Variants in PARP14 observed in about 807,000 individuals in gnomAD.
PARP14 encodes the protein protein mono-ADP-ribosyltransferase PARP14.
A neutral mutation model predicts 154.2 loss-of-function variants in PARP14; 59 were observed. That is an observed-to-expected ratio of 0.38 (90% confidence interval 0.31 to 0.48). The LOEUF is 0.48. PARP14 is among the 20% of genes least tolerant of loss of function. The probability of loss-of-function intolerance (pLI) is 0.98; values close to 1 mark genes in which losing one functional copy is unlikely to be tolerated. For missense variants in PARP14, 1,734 were observed against 2,131.6 expected, an observed-to-expected ratio of 0.81 and a Z score of 3.67; for synonymous variants, 720 against 780.5, an observed-to-expected ratio of 0.92 and a Z score of 1.29.
chr3:122,724,193 A>C (rs1933226939), intron 15 of PARP14, among the ~76,000 whole-genome samples: 1 of 152,148 alleles, frequency 6.6e-6, no homozygotes, highest in African/African-American at 2.4e-5. Flanking sequence ...AATGGTAGTG[A>C]GAAACCAAAA....
intron 2 of PARP14, 134 bp downstream of exon 2, chr3:122,685,452 T>A: frequency 1.3e-6 from 1 of 798,536 alleles, no homozygotes; most frequent in Non-Finnish European, 2.0e-6. Flanking sequence ...ATTACAAATG[T>A]AGGGGGAGTG....
intron 15 of PARP14, among the ~76,000 whole-genome samples, chr3:122,724,252 G>A (rs1006000648): frequency 1.3e-5 from 2 of 151,902 alleles, no homozygotes; most frequent in African/African-American, 4.8e-5. Flanking sequence ...CTGTTTCCAG[G>A]GTCTTTTGTG....
chr3:122,723,307 G>T (rs1933205546), intron 15 of PARP14, among the ~76,000 whole-genome samples: 3 of 152,104 alleles, frequency 2.0e-5, no homozygotes. Context: ...CCCAACCCCA[G>T]TCTGAGTTCA....
chr3:122,727,796 C>T lies in PARP14; in HGVS notation c.4942-16C>T. 6 of 1,560,360 alleles carry T rather than the reference C, an allele frequency of 3.8e-6. No homozygotes were observed. Among genetic ancestry groups the T allele is most frequent in the Non-Finnish European group, 5.2e-6 (6 of 1,143,514 alleles). ...CTCTTGGAACTGGCAGAATATTATC[C>T]TTTATTAATTTGCAGATTGAGAGGA... On this transcript the variant is annotated splice_polypyrimidine_tract_variant and intron_variant, in intron 15 of 16. Coordinates refer to ENST00000474629, the MANE Select transcript of PARP14 (RefSeq NM_017554.3).
Position 122,699,911 on chromosome 3 carries a change from A to C in PARP14, c.1357A>C (p.Ile453Leu), listed in dbSNP as rs1325684641. Residue 453 changes from isoleucine (I) to leucine (L), a missense_variant, in exon 6 of 17, where the codon ATA (isoleucine) becomes CTA (leucine). Around this residue, in one of 2 missense-constraint regions of PARP14, gnomAD observed 1,646 missense variants for 1,976.0 expected, o/e 0.83. Coordinates refer to ENST00000474629, the MANE Select transcript of PARP14 (RefSeq NM_017554.3). Reference sequence around the variant, plus strand: ...CATTGAGGTACAAGTCAGGGAGTTAATAGAAAGCACTACTCAAAAAATTAA... The same window carrying C: ...CATTGAGGTACAAGTCAGGGAGTTACTAGAAAGCACTACTCAAAAAATTAA... ...QSIEVQVRELIESTTQKIKRE... is the reference protein window; with the variant it reads ...QSIEVQVRELLESTTQKIKRE... 1 of 1,614,024 alleles carries C rather than the reference A, an allele frequency of 6.2e-7. No homozygotes were observed.
intron 4 of PARP14, 48 bp downstream of exon 4, chr3:122,692,591 A>G (rs1304847685): frequency 1.3e-6 from 2 of 1,536,998 alleles, no homozygotes; most frequent in African/African-American, 1.4e-5. Context: ...GTACCACATC[A>G]TGAGACTTGA....
intron 5 of PARP14, among the ~76,000 whole-genome samples, chr3:122,697,267 T>G (rs1367992867): frequency 6.6e-6 from 1 of 152,238 alleles, no homozygotes; most frequent in Non-Finnish European, 1.5e-5. Context: ...CTTCTCCTTC[T>G]TTTAATTTTA....
At chr3:122,725,122 C>T (rs1211905949) in intron 15 of PARP14, among the ~76,000 whole-genome samples, 5 of 152,228 alleles carry the variant, frequency 3.3e-5, no homozygotes, top group Non-Finnish European at 7.3e-5. Context: ...GACAAAACTG[C>T]CATCGTCATC....
Position 122,718,978 on chromosome 3 carries a change from T to A in PARP14, c.4807+20T>A. ...CCAAAGGTGAGTTAAACATTCATAC[T>A]TGTCATCCACTATTTCACATCTACT... On this transcript the variant is annotated intron_variant, in intron 14 of 16. Coordinates refer to ENST00000474629, the MANE Select transcript of PARP14 (RefSeq NM_017554.3). 5.2e-6 allele frequency: 8 copies of A among 1,532,016 alleles called. No individual in the cohort carries two copies. Among genetic ancestry groups the A allele is most frequent in the Non-Finnish European group, 5.3e-6 (6 of 1,140,922 alleles). The allele number at this position is 1,532,016 out of a possible 1,614,324, so 94.9% of individuals were successfully genotyped here.
Position 122,701,355 on chromosome 3 carries a change from T to G in PARP14, c.2801T>G (p.Val934Gly). The G allele has an allele frequency of 6.2e-7, 1 of 1,614,072 alleles. No homozygotes were observed. Among genetic ancestry groups the G allele is most frequent in the Non-Finnish European group, 8.5e-7 (1 of 1,179,892 alleles). The change falls in exon 6 of 17, where the codon GTG becomes GGG. Residue 934 changes from valine to glycine, a missense_variant. Transcript: ENST00000474629. This position sits in a 1 kb window ranked among gnomAD's most constrained non-coding sequence, Gnocchi z 4.0. The part of the protein sequence containing the change: ...GVFGFPLGRC[V>G]ETIVSAIKEN... Reference sequence around the variant, plus strand: ...TTTGGCTTTCCCTTAGGCCGATGCGTGGAGACCATTGTTTCTGCCATCAAG... The same window carrying G: ...TTTGGCTTTCCCTTAGGCCGATGCGGGGAGACCATTGTTTCTGCCATCAAG...
intron 3 of PARP14, among the ~76,000 whole-genome samples, chr3:122,688,512 G>A (rs867551959): frequency 1.6e-4 from 25 of 152,300 alleles, no homozygotes; most frequent in Middle Eastern, 3.4e-3. Flanking sequence ...TCTAAGGATA[G>A]TAGCCAGCTA....
chr3:122,703,998 T>A lies in PARP14; in HGVS notation c.3318+20T>A. On this transcript the variant is annotated intron_variant, in intron 7 of 16. Coordinates refer to ENST00000474629, the MANE Select transcript of PARP14 (RefSeq NM_017554.3). Reference sequence around the variant, plus strand: ...CTCAAGGTTGGGCCTGGTTTTGAATTCTCCATGAAGTTGGGTAGCCCTTTG... The same window carrying A: ...CTCAAGGTTGGGCCTGGTTTTGAATACTCCATGAAGTTGGGTAGCCCTTTG... 1 of 1,570,650 alleles carries A rather than the reference T, an allele frequency of 6.4e-7. No homozygotes were observed. Among genetic ancestry groups the A allele is most frequent in the East Asian group, 2.2e-5 (1 of 44,666 alleles).
chr3:122,715,647 T>TATCTATCG (rs1411917485), intron 12 of PARP14, among the ~76,000 whole-genome samples: 2 of 147,078 alleles, frequency 1.4e-5, no homozygotes, highest in African/African-American at 5.1e-5. Flanking sequence ...TCTATCTATC[T>TATCTATCG]ATCTATCGAT....
chr3:122,699,723 C>T lies in PARP14; in HGVS notation c.1169C>T (p.Thr390Ile). Residue 390 changes from threonine to isoleucine, a missense_variant, in exon 6 of 17, where the codon ACA (threonine) becomes ATA (isoleucine). By Grantham distance (89) the Thr-to-Ile change is moderately conservative (BLOSUM62 -1). Coordinates refer to ENST00000474629, the MANE Select transcript of PARP14 (RefSeq NM_017554.3). ...IKTWQADTSTTLSSIRSKYKV... is the reference protein window; with the variant it reads ...IKTWQADTSTILSSIRSKYKV... Reference sequence around the variant, plus strand: ...ACCTGGCAGGCAGATACTTCCACAACACTCTCTAGCATCAGGTCTAAATAT... The same window carrying T: ...ACCTGGCAGGCAGATACTTCCACAATACTCTCTAGCATCAGGTCTAAATAT... 1 of 1,613,940 alleles carries T rather than the reference C, an allele frequency of 6.2e-7. No homozygotes were observed.
chr3:122,686,851 G>A (rs953968889), intron 2 of PARP14: 1 of 495,382 alleles, frequency 2.0e-6, no homozygotes, highest in South Asian at 3.1e-5. Flanking sequence ...AATGCTTGGT[G>A]TTAATTGAGG....
Position 122,700,463 on chromosome 3 carries a change from T to C in PARP14, c.1909T>C (p.Leu637=), listed in dbSNP as rs1259153419. 3 of 1,613,110 alleles carry C rather than the reference T, an allele frequency of 1.9e-6. No individual in the cohort carries two copies. Among genetic ancestry groups the C allele is most frequent in the Non-Finnish European group, 2.5e-6 (3 of 1,179,406 alleles). Residue 637 remains leucine (L), a synonymous_variant, in exon 6 of 17, where the codon TTA becomes CTA. Transcript: ENST00000474629. ...CCCAAACACTGTAATCATCAATGAG[T>C]TAACTTCAGAAACCACAGCTGAAGT... ...SSPNTVIINE[L]TSETTAEVII... is the part of the protein sequence containing the mutation.
At position 122,720,363 on chromosome 3, in the gene PARP14, C is replaced by T. The variant is rs1227292113; in HGVS notation, c.4916C>T (p.Thr1639Ile). The change falls in exon 15 of 17, where the codon ACC becomes ATC. Residue 1639 changes from threonine (T) to isoleucine (I), a missense_variant. By Grantham distance (89) the Thr-to-Ile change is moderately conservative. This residue lies in a region of PARP14 where 1,646 missense variants were observed against 1,976.0 expected (regional missense o/e 0.83). Coordinates refer to ENST00000474629, the MANE Select transcript of PARP14 (RefSeq NM_017554.3). ...ACGGTGGCAAGCAAGTTTAATCAGA[C>T]CTGCTCACACTTCAGAATAGAGAAG... is the stretch of plus-strand genomic sequence containing the variant. ...YNTVASKFNQ[T>I]CSHFRIEKIE... 6.2e-7 allele frequency: 1 copy of T among 1,612,918 alleles called. No homozygotes were observed. Among genetic ancestry groups the T allele is most frequent in the Non-Finnish European group, 8.5e-7 (1 of 1,179,494 alleles).
At chr3:122,688,971 T>C (rs1938459713) in intron 3 of PARP14, among the ~76,000 whole-genome samples, 1 of 152,022 alleles carries the variant, frequency 6.6e-6, no homozygotes, top group Non-Finnish European at 1.5e-5. Flanking sequence ...AGGATAAGCT[T>C]AGTTGGGCTG....
chr3:122,683,777 C>A (rs1938287448), intron 1 of PARP14, among the ~76,000 whole-genome samples: 1 of 152,110 alleles, frequency 6.6e-6, no homozygotes, highest in African/African-American at 2.4e-5. Flanking sequence ...AAATATTGCC[C>A]ACAATCTGAG....
Sources: allele counts gnomAD v4.1 joint callset (sites outside exome capture counted in the v4.1 genomes callset), GRCh38; gene constraint gnomAD v4.1.1; regional missense constraint gnomAD v4.1.1; non-coding constraint Gnocchi (gnomAD v3.1); transcripts MANE v1.5; gene names NCBI Gene and HGNC (gene_info 2026-07-23, HGNC 2026-07-21).